Variants in TPO observed in about 807,000 individuals in gnomAD.
TPO encodes thyroid peroxidase, also known as thyroid microsomal antigen.
In TPO, 78 loss-of-function variants were observed where a neutral mutation model predicts 96.9. The ratio of observed to expected loss-of-function variants is 0.81; its 90% confidence interval spans 0.67 to 0.97. The LOEUF (loss-of-function observed/expected upper bound fraction) is 0.97. Among genes scored for constraint, TPO ranks in the 50% least tolerant of loss-of-function variants. The pLI, the probability that TPO is intolerant of heterozygous loss-of-function variation, is 0.00. For missense variants in TPO, 1,252 were observed against 1,274.8 expected, an observed-to-expected ratio of 0.98 and a Z score of 0.27; for synonymous variants, 547 against 538.0, an observed-to-expected ratio of 1.02 and a Z score of -0.23.
At chr2:1,386,783 G>A (rs1177046368) in intron 1 of TPO, among the ~76,000 whole-genome samples, 4 of 152,158 alleles carry the variant, frequency 2.6e-5, no homozygotes, top group Admixed American at 2.6e-4. Context: ...TTGCTCATTA[G>A]TTGATGCAGT....
chr2:1,441,258 A>G (rs1666165826), intron 5 of TPO, among the ~76,000 whole-genome samples: 1 of 151,926 alleles, frequency 6.6e-6, no homozygotes, highest in Non-Finnish European at 1.5e-5. Flanking sequence ...AATGGGGCAG[A>G]CTCCTTCTTG....
intron 3 of TPO, among the ~76,000 whole-genome samples, chr2:1,423,560 G>C (rs1322290752): frequency 6.6e-6 from 1 of 152,032 alleles, no homozygotes; most frequent in Non-Finnish European, 1.5e-5. Flanking sequence ...GAAATAATTA[G>C]CATTTGTAAT....
rs374019820 is a variant in TPO at position 1,393,598 on chromosome 2, G to T, written n.180+19196G>T. Among the ~76,000 whole-genome samples, 17 of 152,316 alleles carry T rather than the reference G, an allele frequency of 1.1e-4. No individual in the cohort carries two copies. In the East Asian group the frequency reaches 1.9e-3, roughly 17 times the overall value. ...CCGCTGATAGCAAGCCTACCTTGAA[G>T]TCTGTTCAATGCTCTTCCAAATAAG... On this transcript the variant is annotated intron_variant and non_coding_transcript_variant, in intron 1 of 5. Transcript: ENST00000497517.
At chr2:1,538,539 A>G (rs1487440161) in intron 15 of TPO, among the ~76,000 whole-genome samples, 1 of 152,246 alleles carries the variant, frequency 6.6e-6, no homozygotes, top group African/African-American at 2.4e-5. Flanking sequence ...TGCTTATAAA[A>G]CAATGGTGAA....
chr2:1,533,363 C>A (rs1678791652), intron 15 of TPO, among the ~76,000 whole-genome samples: 1 of 129,314 alleles, frequency 7.7e-6, no homozygotes, highest in South Asian at 2.8e-4. Context: ...CCAAATCCCC[C>A]CACTGTGTGC....
intron 1 of TPO, among the ~76,000 whole-genome samples, chr2:1,376,356 T>C (rs1012390769): frequency 1.3e-5 from 2 of 152,208 alleles, no homozygotes; most frequent in African/African-American, 2.4e-5. Flanking sequence ...TTTAGGGAGG[T>C]TCCTAAAAGT....
chr2:1,538,905 C>T (rs1298776071), intron 15 of TPO, among the ~76,000 whole-genome samples: 2 of 152,252 alleles, frequency 1.3e-5, no homozygotes, highest in East Asian at 3.9e-4. Context: ...TGCTGGTGTT[C>T]ACTGGCATTG....
chr2:1,388,648 C>G (rs115532864), intron 1 of TPO, among the ~76,000 whole-genome samples: 53 of 152,360 alleles, frequency 3.5e-4, no homozygotes, highest in Non-Finnish European at 7.1e-4. Flanking sequence ...TCCCTGACCT[C>G]TTGCACTTCC....
intron 5 of TPO, among the ~76,000 whole-genome samples, chr2:1,443,482 C>A (rs1666410203): frequency 6.7e-6 from 1 of 149,214 alleles, no homozygotes; most frequent in Non-Finnish European, 1.5e-5. Flanking sequence ...CAGGAGGCAA[C>A]ATGTTGGAAG....
chr2:1,433,316 G>A, intron 3 of TPO, 122 bp from the exon 4 acceptor site: 1 of 1,272,406 alleles, frequency 7.9e-7, no homozygotes, highest in Non-Finnish European at 1.1e-6. Context: ...ACCCCGCAGT[G>A]CCTGTCACAT....
chr2:1,431,954 A>T (rs964243391), intron 3 of TPO, among the ~76,000 whole-genome samples: 2 of 152,150 alleles, frequency 1.3e-5, no homozygotes, highest in African/African-American at 4.8e-5. Flanking sequence ...ACACTCGCAC[A>T]CCTGCCAACA....
intron 7 of TPO, among the ~76,000 whole-genome samples, chr2:1,468,254 T>C (rs1190982300): frequency 6.6e-6 from 1 of 152,120 alleles, no homozygotes; most frequent in African/African-American, 2.4e-5. Flanking sequence ...CCTTGGGTTT[T>C]TGTGATTTTG....
intron 15 of TPO, among the ~76,000 whole-genome samples, chr2:1,517,572 C>T (rs889385303): frequency 1.3e-5 from 2 of 149,760 alleles, no homozygotes; most frequent in African/African-American, 2.5e-5. Context: ...CTGCCTCTCA[C>T]CTTGCTGCTG....
chr2:1,405,664 AGATTCTAATAGG>A (rs1662240081), intron 1 of TPO, among the ~76,000 whole-genome samples: 1 of 152,168 alleles, frequency 6.6e-6, no homozygotes, highest in African/African-American at 2.4e-5. Flanking sequence ...TTCACCCCCA[AGATTCTAATAGG>A]GAATGTCTCC....
chr2:1,514,502 G>A (rs1006652416), intron 14 of TPO, among the ~76,000 whole-genome samples: 5 of 152,156 alleles, frequency 3.3e-5, no homozygotes, highest in African/African-American at 4.8e-5. Flanking sequence ...AAAGGCCCTC[G>A]TTGGCCTTCA....
At chr2:1,494,244 T>C (rs1001610226) in intron 11 of TPO, among the ~76,000 whole-genome samples, 12 of 152,216 alleles carry the variant, frequency 7.9e-5, no homozygotes, top group African/African-American at 2.9e-4. Flanking sequence ...ACGAAGCACG[T>C]AGCACTTAGA....
intron 3 of TPO, among the ~76,000 whole-genome samples, chr2:1,423,403 T>G (rs538933751): frequency 5.6e-4 from 85 of 152,268 alleles, no homozygotes; most frequent in African/African-American, 1.8e-3. Flanking sequence ...GACGTCCTGA[T>G]AGCAAAACCA....
intron 7 of TPO, 92 bp from the exon 8 acceptor site, chr2:1,476,994 C>T: frequency 1.4e-6 from 2 of 1,462,340 alleles, no homozygotes; most frequent in Non-Finnish European, 1.8e-6. Flanking sequence ...AAACGTGCGG[C>T]GCTGCGGGGT....
At chr2:1,533,912 GTGCAACCTCCATAAATCCAACCAAATGTA>G (rs1678918422) in intron 15 of TPO, among the ~76,000 whole-genome samples, 1 of 81,608 alleles carries the variant, frequency 1.2e-5, no homozygotes, top group Non-Finnish European at 2.5e-5. Context: ...TCTCCTTTCT[GTGCAACCTCCATAAATCCAACCAAATGTA>G]TGCAACCTCC....
Sources: allele counts gnomAD v4.1 joint callset (sites outside exome capture counted in the v4.1 genomes callset), GRCh38; gene constraint gnomAD v4.1.1; transcripts MANE v1.5; gene names NCBI Gene and HGNC (gene_info 2026-07-23, HGNC 2026-07-21).